HS3ST4: variants seen among roughly 807,000 people sequenced by gnomAD.
HS3ST4 encodes the protein heparan sulfate glucosamine 3-O-sulfotransferase 4.
A neutral mutation model predicts 29.2 loss-of-function variants in HS3ST4; 17 were observed. The observed-to-expected ratio is 0.58, with a 90% CI of 0.40 to 0.87. The LOEUF (loss-of-function observed/expected upper bound fraction) is 0.87, where lower values mean the gene tolerates loss of function less well. HS3ST4 is among the 40% of genes least tolerant of loss of function. The pLI, the probability that HS3ST4 is intolerant of heterozygous loss-of-function variation, is 0.00. For missense variants in HS3ST4, 627 were observed against 634.5 expected, an observed-to-expected ratio of 0.99 and a Z score of 0.13; for synonymous variants, 314 against 285.7, an observed-to-expected ratio of 1.10 and a Z score of -1.00.
intron 1 of HS3ST4, among the ~76,000 whole-genome samples, chr16:25,979,288 C>G (rs1968978268): frequency 6.6e-6 from 1 of 152,168 alleles, no homozygotes; most frequent in Admixed American, 6.5e-5. Context: ...CTCCAACCCT[C>G]AGGCCATGGA....
chr16:25,985,554 T>G (rs1425048283), intron 1 of HS3ST4, among the ~76,000 whole-genome samples: 1 of 152,218 alleles, frequency 6.6e-6, no homozygotes, highest in Non-Finnish European at 1.5e-5. Flanking sequence ...ATACAGCTCT[T>G]GACTATTTCC....
chr16:26,020,709 G>A (rs781482249), intron 1 of HS3ST4, among the ~76,000 whole-genome samples: 7 of 152,158 alleles, frequency 4.6e-5, no homozygotes, highest in Non-Finnish European at 7.3e-5. Context: ...CATCACCTGG[G>A]AGCTTGCTGG....
intron 1 of HS3ST4, among the ~76,000 whole-genome samples, chr16:25,847,230 A>G (rs1026105874): frequency 6.6e-6 from 1 of 152,040 alleles, no homozygotes; most frequent in African/African-American, 2.4e-5. Flanking sequence ...CTTCCATCCT[A>G]TACATTTTTG....
intron 1 of HS3ST4, among the ~76,000 whole-genome samples, chr16:25,949,452 G>C (rs1310909654): frequency 2.0e-5 from 3 of 152,142 alleles, no homozygotes; most frequent in Non-Finnish European, 2.9e-5. Context: ...TTGAACAAGT[G>C]AATGTTCTTT....
chr16:26,028,997 G>A, intron 1 of HS3ST4: 1 of 152,272 alleles, frequency 6.6e-6, no homozygotes, highest in East Asian at 1.9e-4. Context: ...TACTTGGATG[G>A]GAGAATATGG....
At chr16:25,778,150 AT>A (rs71385570) in intron 1 of HS3ST4, among the ~76,000 whole-genome samples, 14 of 151,868 alleles carry the variant, frequency 9.2e-5, no homozygotes, top group Non-Finnish European at 7.4e-5. Flanking sequence ...ATATATATAT[AT>A]TTTTTCTACA....
intron 1 of HS3ST4, among the ~76,000 whole-genome samples, chr16:25,904,113 T>A (rs1055429065): frequency 1.0e-5 from 1 of 95,434 alleles, no homozygotes; most frequent in Non-Finnish European, 2.2e-5. Flanking sequence ...GATGAATGGA[T>A]GGATGGATGG....
At chr16:25,789,646 A>T (rs1243432625) in intron 1 of HS3ST4, among the ~76,000 whole-genome samples, 1 of 152,094 alleles carries the variant, frequency 6.6e-6, no homozygotes, top group Non-Finnish European at 1.5e-5. Context: ...TCCTAAGTGT[A>T]CAGCATGATG....
At position 26,016,150 on chromosome 16, in the gene HS3ST4, T is replaced by C. The variant is rs1047349501; in HGVS notation, c.735-119462T>C. 2.0e-5 allele frequency among the ~76,000 whole-genome samples: 3 copies of C among 152,314 alleles called. No homozygotes were observed. The South Asian group carries it at 6.2e-4, about 32-fold the overall frequency. On this transcript the variant is annotated intron_variant, in intron 1 of 1. Coordinates refer to ENST00000331351, the MANE Select transcript of HS3ST4 (RefSeq NM_006040.3). ...TTGCATAGATCAGAATGTATGCAGA[T>C]GAATTTTATCGTCTTGCATGCTGTT...
intron 1 of HS3ST4, among the ~76,000 whole-genome samples, chr16:25,960,431 C>G (rs1968783589): frequency 6.6e-6 from 1 of 152,196 alleles, no homozygotes; most frequent in African/African-American, 2.4e-5. Flanking sequence ...CAACCCAACT[C>G]CTAAAGTGGT....
rs1325369302 is a variant in HS3ST4, at chr16:26,136,677, T to C, written c.*429T>C. ...CTGTATCTGTCATGGGCACCTGCTG[T>C]CTAAACCTCTGCTTGGGCTTCTCCC... On this transcript the variant is annotated 3_prime_UTR_variant, in exon 2 of 2. Transcript: ENST00000331351. The C allele has an allele frequency of 1.1e-5, 2 of 178,774 alleles. No individual in the cohort carries two copies. The highest frequency in any genetic ancestry group is 2.4e-5 in the Non-Finnish European group (2 of 83,070). 11.1% of individuals were successfully genotyped at this position (178,774 alleles called of 1,614,324 possible). A position where few individuals can be genotyped will look rare whatever the true frequency, so the allele number is the denominator to read the frequency against.
chr16:26,106,013 T>G (rs555165766), intron 1 of HS3ST4, among the ~76,000 whole-genome samples: 2 of 152,096 alleles, frequency 1.3e-5, no homozygotes, highest in African/African-American at 4.8e-5. Context: ...AAATAAGGAA[T>G]GGAAGAAAGA....
intron 1 of HS3ST4, among the ~76,000 whole-genome samples, chr16:26,011,164 A>G (rs1003761511): frequency 6.6e-6 from 1 of 152,234 alleles, no homozygotes; most frequent in African/African-American, 2.4e-5. Flanking sequence ...TGCAAATTCA[A>G]GTTCCTCCAG....
At chr16:26,046,317 A>G (rs552117702) in intron 1 of HS3ST4, among the ~76,000 whole-genome samples, 1 of 151,902 alleles carries the variant, frequency 6.6e-6, no homozygotes, top group South Asian at 2.1e-4. Context: ...CGCCCAGCTA[A>G]TTTTTGTGTT....
chr16:26,018,350 C>T (rs545247768), intron 1 of HS3ST4, among the ~76,000 whole-genome samples: 3 of 152,238 alleles, frequency 2.0e-5, no homozygotes, highest in South Asian at 2.1e-4. Context: ...CAGGATTGGT[C>T]GGAACTAACA....
In HS3ST4 at chr16:25,982,995, G is replaced by A. The variant is rs1596634910; in HGVS notation, c.735-152617G>A. Reference sequence around the variant, plus strand: ...TTCTGGGCACTGAAGGTATAAGAGTGAAGAAAACAGGTAGCATCCCTACCC... The same window carrying A: ...TTCTGGGCACTGAAGGTATAAGAGTAAAGAAAACAGGTAGCATCCCTACCC... On this transcript the variant is annotated intron_variant, in intron 1 of 1. Transcript: ENST00000331351. Among the ~76,000 whole-genome samples the A allele has an allele frequency of 3.9e-5, 6 of 152,356 alleles. 1 individual carries two copies. In the South Asian group the frequency reaches 1.2e-3, roughly 32 times the overall value.
intron 1 of HS3ST4, among the ~76,000 whole-genome samples, chr16:26,111,072 T>A (rs1899122380): frequency 6.6e-6 from 1 of 151,894 alleles, no homozygotes; most frequent in Admixed American, 6.6e-5. Flanking sequence ...TTTTATTTTA[T>A]TTTATTTTGA....
intron 1 of HS3ST4, among the ~76,000 whole-genome samples, chr16:25,839,044 A>G (rs1196743680): frequency 6.6e-6 from 1 of 152,210 alleles, no homozygotes; most frequent in Non-Finnish European, 1.5e-5. Flanking sequence ...ACTGCCACCT[A>G]AAGACTGGCT....
intron 1 of HS3ST4, among the ~76,000 whole-genome samples, chr16:26,119,683 T>C (rs1274106685): frequency 6.6e-6 from 1 of 152,222 alleles, no homozygotes; most frequent in African/African-American, 2.4e-5. Flanking sequence ...CCTCCTTTCT[T>C]TCTCCTTCTC....
Sources: gnomAD v4.1 joint callset for allele counts (sites outside exome capture counted in the v4.1 genomes callset) on GRCh38, gnomAD v4.1.1 for gene constraint, MANE v1.5 for transcripts, NCBI Gene and HGNC (gene_info 2026-07-23, HGNC 2026-07-21) for gene names.